The following EPHA8 variants were observed in gnomAD, a reference collection of about 807,000 sequenced individuals.
The protein encoded by EPHA8 is ephrin type-A receptor 8.
In EPHA8, 58 loss-of-function variants were observed where a neutral mutation model predicts 103.6. The ratio of observed to expected loss-of-function variants is 0.56; its 90% CI spans 0.45 to 0.70. The LOEUF is 0.70. EPHA8 is among the 30% of genes least tolerant of loss of function. The probability of loss-of-function intolerance (pLI) is 0.00; values close to 1 mark genes in which losing one functional copy is unlikely to be tolerated. For missense variants in EPHA8, 1,304 were observed against 1,395.2 expected (o/e 0.93, Z 1.04); for synonymous variants, 559 against 572.5 (o/e 0.98, Z 0.34).
chr1:22,576,869 A>T lies in EPHA8; in HGVS notation c.812A>T (p.Asp271Val). The T allele has an allele frequency of 6.3e-7, 1 of 1,591,672 alleles. No homozygotes were observed. Among genetic ancestry groups the T allele is most frequent in the East Asian group, 2.2e-5 (1 of 44,506 alleles). The change falls in exon 3 of 17, where the codon GAT becomes GTT. Residue 271 changes from aspartate to valine, a missense_variant. Coordinates refer to ENST00000166244, the MANE Select transcript of EPHA8 (RefSeq NM_020526.5). The surrounding 1 kb of genome is among the most constrained non-coding windows in gnomAD (Gnocchi z 4.8). ...VCSAGYEERRDACVACELGFY... is the reference protein window; with the variant it reads ...VCSAGYEERRVACVACELGFY... ...AGTGCCGGCTACGAGGAGCGGCGGG[A>T]TGCCTGTGTGGGTGAGCGCGCCATG...
At chr1:22,595,063 G>T (rs973676518) in intron 7 of EPHA8, among the ~76,000 whole-genome samples, 167 bp from the exon 8 acceptor site, 3 of 152,164 alleles carry the variant, frequency 2.0e-5, no homozygotes, top group Non-Finnish European at 4.4e-5. Context: ...GGGTGGGGTG[G>T]GAACAGAGGA....
chr1:22,578,769 A>T (rs1640909864), intron 3 of EPHA8, among the ~76,000 whole-genome samples: 2 of 144,098 alleles, frequency 1.4e-5, no homozygotes, highest in South Asian at 4.5e-4. Flanking sequence ...GTGTGAATGT[A>T]TGTGTACGTG....
chr1:22,601,370 A>C lies in EPHA8; in HGVS notation c.2800A>C (p.Thr934Pro), dbSNP rs1431878746. Residue 934 changes from threonine to proline, a missense_variant, in exon 16 of 17, where the codon ACC becomes CCC. Coordinates refer to ENST00000166244, the MANE Select transcript of EPHA8 (RefSeq NM_020526.5). Reference sequence around the variant, plus strand: ...GGGCAGCGGTGGCGGTGGGGGCCTCACCGTGGGGGACTGGCTGGACTCCAT... The same window carrying C: ...GGGCAGCGGTGGCGGTGGGGGCCTCCCCGTGGGGGACTGGCTGGACTCCAT... ...RGGSGGGGGL[T>P]VGDWLDSIRM... 1.2e-6 allele frequency: 2 copies of C among 1,609,628 alleles called. No homozygotes were observed.
chr1:22,583,894 C>G (rs943027886), intron 3 of EPHA8, among the ~76,000 whole-genome samples: 1 of 152,244 alleles, frequency 6.6e-6, no homozygotes, highest in African/African-American at 2.4e-5. Flanking sequence ...CCTCAGGCCC[C>G]GCATCACGCC....
chr1:22,593,873 C>T (rs1641445733), intron 7 of EPHA8, among the ~76,000 whole-genome samples, 187 bp downstream of exon 7: 1 of 152,228 alleles, frequency 6.6e-6, no homozygotes, highest in African/African-American at 2.4e-5. Flanking sequence ...CACTCTGCCA[C>T]CCAGGCTGGA....
At chr1:22,583,813 G>A (rs199533775) in intron 3 of EPHA8, among the ~76,000 whole-genome samples, 3 of 152,190 alleles carry the variant, frequency 2.0e-5, no homozygotes, top group East Asian at 1.9e-4. Flanking sequence ...GCTTCTGCTC[G>A]GGCCTGACAA....
intron 9 of EPHA8, among the ~76,000 whole-genome samples, 179 bp downstream of exon 9, chr1:22,596,352 C>G (rs940717049): frequency 6.6e-6 from 1 of 152,220 alleles, no homozygotes; most frequent in African/African-American, 2.4e-5. Context: ...CCGTTCATGC[C>G]TCCTGGACTC....
chr1:22,590,406 T>A (rs1570011891), intron 5 of EPHA8, among the ~76,000 whole-genome samples: 2 of 152,348 alleles, frequency 1.3e-5, no homozygotes, highest in Admixed American at 1.3e-4. Flanking sequence ...CGACCCTCTC[T>A]GTCCGTGCCT....
rs1479226063 is a variant in EPHA8, at chr1:22,598,143, C to T, written c.2117-8C>T. ...CCAAGAGCCACCCTCTCCCTACTGC[C>T]CGCCCAGGCCGCCTGGCAATGATTG... On this transcript the variant is annotated splice_polypyrimidine_tract_variant and splice_region_variant and intron_variant, in intron 11 of 16. Coordinates refer to ENST00000166244, the MANE Select transcript of EPHA8 (RefSeq NM_020526.5). The surrounding 1 kb of genome is among the most constrained non-coding windows in gnomAD (Gnocchi z 5.1). 1.2e-6 allele frequency: 2 copies of T among 1,613,376 alleles called. No homozygotes were observed. Among genetic ancestry groups the T allele is most frequent in the Admixed American group, 1.7e-5 (1 of 60,010 alleles).
intron 3 of EPHA8, among the ~76,000 whole-genome samples, chr1:22,585,029 G>GTA: frequency 8.8e-6 from 1 of 113,022 alleles, no homozygotes; most frequent in African/African-American, 4.7e-5. Context: ...TCGTTTCTCT[G>GTA]TGTGTGTGTG....
In EPHA8 at chr1:22,582,750, G is replaced by A. The variant is rs548130318; in HGVS notation, c.824-3730G>A. Among the ~76,000 whole-genome samples the A allele has an allele frequency of 3.6e-4, 55 of 152,164 alleles. 1 individual carries two copies. The highest frequency in any genetic ancestry group is 1.3e-3 in the African/African-American group (53 of 41,536). On this transcript the variant is annotated intron_variant, in intron 3 of 16. Transcript: ENST00000166244. ...CAGACTGCACTTCCCAGCACCCCCC[G>A]CACCCTGGTTCACCCCAGAAAGAGG...
intron 8 of EPHA8, 68 bp from the exon 9 acceptor site, chr1:22,596,038 C>A: frequency 1.4e-6 from 2 of 1,470,998 alleles, no homozygotes; most frequent in South Asian, 1.2e-5. Context: ...TGACTCGTTC[C>A]CTGGTTGGGG....
intron 6 of EPHA8, 22 bp from the exon 7 acceptor site, chr1:22,593,502 A>C (rs376592875): frequency 6.2e-7 from 1 of 1,610,484 alleles, no homozygotes; most frequent in South Asian, 1.1e-5. Context: ...GGCAGGGCCC[A>C]CTGACCACCG....
rs903455856 is a variant in EPHA8, at chr1:22,586,561, C to T, written c.905C>T (p.Pro302Leu). The change falls in exon 4 of 17, where the codon CCA becomes CTA. Residue 302 changes from proline (P) to leucine (L), a missense_variant. Coordinates refer to ENST00000166244, the MANE Select transcript of EPHA8 (RefSeq NM_020526.5). ...CCTCCCCACAGCCACTCCGCAGCTCCAGCCGCCCAAGCCTGCCACTGTGAC... is the reference window on the plus strand; with the variant it reads ...CCTCCCCACAGCCACTCCGCAGCTCTAGCCGCCCAAGCCTGCCACTGTGAC... ...RCPPHSHSAA[P>L]AAQACHCDLS... is the part of the protein sequence containing the mutation. The T allele has an allele frequency of 3.1e-6, 5 of 1,613,744 alleles. No homozygotes were observed. The highest frequency in any genetic ancestry group is 4.5e-5 in the East Asian group (2 of 44,886).
chr1:22,579,074 T>C (rs963598112), intron 3 of EPHA8, among the ~76,000 whole-genome samples: 11 of 129,316 alleles, frequency 8.5e-5, no homozygotes, highest in Non-Finnish European at 1.9e-4. Flanking sequence ...TGCATGTGTG[T>C]GCATGTGTAC....
intron 4 of EPHA8, among the ~76,000 whole-genome samples, chr1:22,587,690 T>C (rs1419401666): frequency 2.0e-5 from 3 of 152,194 alleles, no homozygotes; most frequent in African/African-American, 7.2e-5. Context: ...TTCAGACTGT[T>C]CTGATTTTGC....
rs923502505 is a variant in EPHA8 at position 22,566,548 on chromosome 1, A to G, written c.95-2741A>G. Among the ~76,000 whole-genome samples the G allele has an allele frequency of 2.0e-4, 31 of 152,172 alleles. 1 individual carries two copies. Among genetic ancestry groups the G allele is most frequent in the Non-Finnish European group, 2.9e-5 (2 of 68,018 alleles). ...AGGGATGCCTATGGACATCTTTCAG[A>G]TAAGGAAACTGAGGCAGAGGGGTTA... On this transcript the variant is annotated intron_variant, in intron 1 of 16. Transcript: ENST00000166244.
Position 22,577,906 on chromosome 1 carries a change from T to TGC in EPHA8, c.823+1026_823+1027insGC, listed in dbSNP as rs201076500. On this transcript the variant is annotated intron_variant, in intron 3 of 16. Coordinates refer to ENST00000166244, the MANE Select transcript of EPHA8 (RefSeq NM_020526.5). ...GTTCATGAGTGTGTGCATGTGTGTGTATGTGTGCGTGAGTGTATGTGTGCG... is the reference window on the plus strand; with the variant it reads ...GTTCATGAGTGTGTGCATGTGTGTGTGCATGTGTGCGTGAGTGTATGTGTGCG... Among the ~76,000 whole-genome samples the TGC allele has an allele frequency of 1.8e-3, 153 of 86,026 alleles. 15 individuals are homozygous for TGC. The highest frequency in any genetic ancestry group is 4.8e-3 in the African/African-American group (83 of 17,388). 56.4% of individuals were successfully genotyped at this position (86,026 alleles called of 152,430 possible). A position where few individuals can be genotyped will look rare whatever the true frequency, so the allele number is the denominator to read the frequency against.
At position 22,583,907 on chromosome 1, in the gene EPHA8, G is replaced by A. The variant is rs1641116292; in HGVS notation, c.824-2573G>A. 2.6e-5 allele frequency among the ~76,000 whole-genome samples: 4 copies of A among 152,348 alleles called. No homozygotes were observed. The South Asian group carries it at 8.3e-4, about 32-fold the overall frequency. On this transcript the variant is annotated intron_variant, in intron 3 of 16. Coordinates refer to ENST00000166244, the MANE Select transcript of EPHA8 (RefSeq NM_020526.5). ...TCCCTCAGGCCCCGCATCACGCCATGAGGCTTTGCCTGTCCGTCTGCCAAT... is the reference window on the plus strand; with the variant it reads ...TCCCTCAGGCCCCGCATCACGCCATAAGGCTTTGCCTGTCCGTCTGCCAAT...
Sources: allele counts gnomAD v4.1 joint callset (sites outside exome capture counted in the v4.1 genomes callset), GRCh38; gene constraint gnomAD v4.1.1; non-coding constraint Gnocchi (gnomAD v3.1); transcripts MANE v1.5; gene names NCBI Gene and HGNC (gene_info 2026-07-23, HGNC 2026-07-21).